The following SEPSECS variants were observed in gnomAD, a reference collection of about 807,000 sequenced individuals.
The protein encoded by SEPSECS is O-phosphoseryl-tRNA(Sec) selenium transferase.
A neutral mutation model predicts 52.1 loss-of-function variants in SEPSECS; 42 were observed. The ratio of observed to expected loss-of-function variants is 0.81; its 90% CI spans 0.63 to 1.04. The LOEUF (loss-of-function observed/expected upper bound fraction) is 1.04, where lower values mean the gene tolerates loss of function less well. Ranked by LOEUF, SEPSECS falls within the 50% of genes least tolerant of loss-of-function variation. The pLI is 0.00. For missense variants in SEPSECS, 590 were observed against 610.6 expected (o/e 0.97, Z 0.36); for synonymous variants, 216 against 211.4 (o/e 1.02, Z -0.19).
At chr4:25,156,276 T>C (rs1307907674) in intron 3 of SEPSECS, 81 bp from the exon 4 acceptor site, 5 of 1,275,462 alleles carry the variant, frequency 3.9e-6, no homozygotes, top group African/African-American at 3.0e-5. Flanking sequence ...ATATTTCATA[T>C]ATAAAATAGT....
chr4:25,153,077 T>A (rs1192051147), intron 5 of SEPSECS, among the ~76,000 whole-genome samples: 1 of 151,950 alleles, frequency 6.6e-6, no homozygotes, highest in Non-Finnish European at 1.5e-5. Flanking sequence ...TTTGTCCAGT[T>A]TGCCTCAGAC....
At chr4:25,156,315 C>A in intron 3 of SEPSECS, 120 bp from the exon 4 acceptor site, 1 of 843,414 alleles carries the variant, frequency 1.2e-6, no homozygotes, top group Non-Finnish European at 1.9e-6. Context: ...GCTTCTGTTT[C>A]TGTACTCGCT....
Position 25,123,275 on chromosome 4 carries a change from C to G in SEPSECS, c.*656G>C, listed in dbSNP as rs1728206232. ...TAATGACATTTTGGGCTGGATAATTCTTTGTTGTGGGAGTTGTCCCATGCA... is the reference window on the plus strand; with the variant it reads ...TAATGACATTTTGGGCTGGATAATTGTTTGTTGTGGGAGTTGTCCCATGCA... On this transcript the variant is annotated 3_prime_UTR_variant, in exon 11 of 11. Coordinates refer to ENST00000382103, the MANE Select transcript of SEPSECS (RefSeq NM_016955.4). 6.6e-6 allele frequency: 1 copy of G among 152,648 alleles called. No individual in the cohort carries two copies. The allele number at this position is 152,648 out of a possible 1,614,324, so 9.5% of individuals were successfully genotyped here.
chr4:25,127,591 A>G (rs1373393955), intron 8 of SEPSECS, among the ~76,000 whole-genome samples: 2 of 152,164 alleles, frequency 1.3e-5, no homozygotes, highest in African/African-American at 4.8e-5. Flanking sequence ...TCACTATTAC[A>G]TATCTATCAC....
intron 2 of SEPSECS, among the ~76,000 whole-genome samples, chr4:25,158,587 A>AC (rs1712835285): frequency 1.3e-5 from 2 of 152,166 alleles, no homozygotes; most frequent in Admixed American, 1.3e-4. Context: ...CAAAAAAAAA[A>AC]AACACTACAA....
chr4:25,159,557 A>T (rs942291438), intron 1 of SEPSECS: 3 of 421,828 alleles, frequency 7.1e-6, no homozygotes, highest in South Asian at 1.6e-5. Flanking sequence ...CGATCACTTG[A>T]AGTCAGGAGT....
intron 8 of SEPSECS, among the ~76,000 whole-genome samples, chr4:25,131,427 C>T (rs567706646): frequency 2.0e-5 from 3 of 152,182 alleles, no homozygotes; most frequent in South Asian, 4.1e-4. Flanking sequence ...GATGGATGAC[C>T]GAGAGTAGGT....
intron 8 of SEPSECS, 108 bp from the exon 9 acceptor site, chr4:25,127,465 A>G (rs924602876): frequency 1.3e-5 from 10 of 795,170 alleles, no homozygotes; most frequent in African/African-American, 1.0e-4. Flanking sequence ...TAACTCATCC[A>G]TGTGCCTTAA....
intron 6 of SEPSECS, among the ~76,000 whole-genome samples, chr4:25,145,750 C>T (rs1445553800): frequency 6.6e-6 from 1 of 152,164 alleles, no homozygotes; most frequent in East Asian, 1.9e-4. Flanking sequence ...GGACTATAGC[C>T]ATCCGAGTTG....
At chr4:25,155,852 A>T (rs1485169550) in intron 4 of SEPSECS, among the ~76,000 whole-genome samples, 185 bp downstream of exon 4, 1 of 152,244 alleles carries the variant, frequency 6.6e-6, no homozygotes, top group Non-Finnish European at 1.5e-5. Flanking sequence ...TTAGGTATCC[A>T]TAAACTTAAA....
intron 8 of SEPSECS, among the ~76,000 whole-genome samples, chr4:25,128,148 T>C (rs1728457924): frequency 6.6e-6 from 1 of 152,188 alleles, no homozygotes; most frequent in Non-Finnish European, 1.5e-5. Context: ...TGAAATTATC[T>C]CATGTATTTG....
intron 5 of SEPSECS, among the ~76,000 whole-genome samples, chr4:25,154,267 G>A (rs1169549477): frequency 6.6e-6 from 1 of 152,004 alleles, no homozygotes; most frequent in East Asian, 1.9e-4. Flanking sequence ...GTAATTCCAT[G>A]AATTAAAACC....
intron 6 of SEPSECS, among the ~76,000 whole-genome samples, chr4:25,145,410 G>A (rs141234595): frequency 6.0e-4 from 91 of 152,184 alleles, no homozygotes; most frequent in African/African-American, 2.1e-3. Context: ...CTTTGTAATA[G>A]TGCCAAGAAA....
In SEPSECS at chr4:25,156,065, C is replaced by T; in HGVS notation, c.519G>A (p.Lys173=). ...CAGTGATCATGGATTTAAAGCAGGA[C>T]TTCTGGTCTATTCGTGGCCATATAA... ...KYIIWPRIDQ[K]SCFKSMITAG... The change falls in exon 4 of 11, where the codon AAG becomes AAA. Residue 173 remains lysine, a synonymous_variant. Transcript: ENST00000382103. The T allele has an allele frequency of 6.2e-7, 1 of 1,613,960 alleles. No individual in the cohort carries two copies. Among genetic ancestry groups the T allele is most frequent in the Non-Finnish European group, 8.5e-7 (1 of 1,179,900 alleles).
At chr4:25,131,170 T>C (rs1164685314) in intron 8 of SEPSECS, among the ~76,000 whole-genome samples, 2 of 152,334 alleles carry the variant, frequency 1.3e-5, no homozygotes, top group Middle Eastern at 3.4e-3. Context: ...CTTTTGCAAA[T>C]TGATTTGTAG....
chr4:25,122,149 G>A lies in SEPSECS; in HGVS notation c.*1782C>T, dbSNP rs1000885580. 2.6e-5 allele frequency: 4 copies of A among 152,032 alleles called. No homozygotes were observed. The highest frequency in any genetic ancestry group is 4.4e-5 in the Non-Finnish European group (3 of 67,974). 9.4% of individuals were successfully genotyped at this position (152,032 alleles called of 1,614,324 possible). A position where few individuals can be genotyped will look rare whatever the true frequency, so the allele number is the denominator to read the frequency against. On this transcript the variant is annotated 3_prime_UTR_variant, in exon 11 of 11. Transcript: ENST00000382103. ...CCTTGAAATGAGTTACTACACCTAT[G>A]TAAATTTTTTTAATGTTTGAACCCC...
At chr4:25,155,182 A>C in intron 4 of SEPSECS, 31 bp from the exon 5 acceptor site, 1 of 1,611,866 alleles carries the variant, frequency 6.2e-7, no homozygotes, top group Non-Finnish European at 8.5e-7. Context: ...ACAAAATGTT[A>C]GTGTGAACTA....
chr4:25,127,929 A>G lies in SEPSECS; in HGVS notation c.1027-572T>C, dbSNP rs150138077. On this transcript the variant is annotated intron_variant, in intron 8 of 10. Coordinates refer to ENST00000382103, the MANE Select transcript of SEPSECS (RefSeq NM_016955.4). ...ACCAGTCACATTAGCCTCCTTTCCA[A>G]TCATTCTAGTGTTCAAACCTTTGTG... Among the ~76,000 whole-genome samples, 818 of 152,194 alleles carry G rather than the reference A, an allele frequency of 5.4e-3. 5 individuals carry two copies. Among genetic ancestry groups the G allele is most frequent in the Middle Eastern group, 0.017 (5 of 294 alleles).
intron 6 of SEPSECS, among the ~76,000 whole-genome samples, chr4:25,147,795 T>TA (rs538388752): frequency 1.8e-4 from 27 of 152,110 alleles, no homozygotes; most frequent in African/African-American, 4.8e-4. Context: ...ACAATAAAAA[T>TA]AAAAAAAATT....
Sources: gnomAD v4.1 joint callset for allele counts (sites outside exome capture counted in the v4.1 genomes callset) on GRCh38, gnomAD v4.1.1 for gene constraint, MANE v1.5 for transcripts, NCBI Gene and HGNC (gene_info 2026-07-23, HGNC 2026-07-21) for gene names.